Variants in HDAC11 observed in about 807,000 individuals in gnomAD.
HDAC11 encodes histone deacetylase 11.
A neutral mutation model predicts 41.1 loss-of-function variants in HDAC11; 23 were observed. The ratio of observed to expected loss-of-function variants is 0.56; its 90% CI spans 0.40 to 0.79. The LOEUF is 0.79. Ranked by LOEUF, HDAC11 falls within the 30% of genes least tolerant of loss-of-function variation. HDAC11 has a pLI of 0.00. For missense variants in HDAC11, 402 were observed against 477.3 expected (o/e 0.84, Z 1.47); for synonymous variants, 187 against 186.6 (o/e 1.00, Z -0.02).
Position 13,504,123 on chromosome 3 carries a change from T to G in HDAC11, c.679T>G (p.Trp227Gly). Residue 227 changes from tryptophan to glycine, a missense_variant, in exon 9 of 10, where the codon TGG (tryptophan) becomes GGG (glycine). Trp to Gly is a radical substitution (Grantham distance 184). Transcript: ENST00000295757. ...QAIRRKVELE[W>G]GTEDDEYLDK... The stretch of plus-strand genomic sequence containing the variant: ...CATCAGGCGGAAGGTGGAGCTGGAG[T>G]GGGGCACAGAGGATGATGAGTACCT... 1 of 1,613,748 alleles carries G rather than the reference T, an allele frequency of 6.2e-7. No homozygotes were observed. The highest frequency in any genetic ancestry group is 1.1e-5 in the South Asian group (1 of 91,070).
intron 3 of HDAC11, among the ~76,000 whole-genome samples, chr3:13,483,887 C>T (rs1372141828): frequency 6.6e-6 from 1 of 152,102 alleles, no homozygotes; most frequent in Non-Finnish European, 1.5e-5. Context: ...TCCGAGACCC[C>T]AGCCCCTGTC....
intron 3 of HDAC11, among the ~76,000 whole-genome samples, chr3:13,487,617 C>T (rs1038357127): frequency 1.3e-5 from 2 of 152,142 alleles, no homozygotes; most frequent in African/African-American, 2.4e-5. Context: ...GGTTGATTCT[C>T]GGGTGACAGT....
rs760717940 is a variant in HDAC11, at chr3:13,504,597, T to C, written c.958T>C (p.Phe320Leu). Residue 320 changes from phenylalanine (F) to leucine (L), a missense_variant, in exon 10 of 10, where the codon TTT becomes CTT. Coordinates refer to ENST00000295757, the MANE Select transcript of HDAC11 (RefSeq NM_024827.4). ...RIIADSILNL[F>L]GLGLIGPESP... ...CATTGCTGACTCCATACTTAATCTG[T>C]TTGGCCTGGGGCTCATTGGGCCTGA... The C allele has an allele frequency of 9.9e-6, 16 of 1,613,684 alleles. No homozygotes were observed. The South Asian group carries it at 1.8e-4, about 18-fold the overall frequency.
intron 3 of HDAC11, among the ~76,000 whole-genome samples, chr3:13,494,556 T>C (rs1559376554): frequency 1.3e-5 from 2 of 152,294 alleles, no homozygotes; most frequent in South Asian, 4.1e-4. Flanking sequence ...GTCCCAGCTC[T>C]TACACTCCCA....
rs2125010724 is a variant in HDAC11 at position 13,500,711 on chromosome 3, A to C, written c.413-2A>C. ...GCAGCACCGCTCTCTGCCCTTCCGCAGGGGGTGGCTTCCACCACTGCTCCA... is the reference window on the plus strand; with the variant it reads ...GCAGCACCGCTCTCTGCCCTTCCGCCGGGGGTGGCTTCCACCACTGCTCCA... On this transcript the variant is annotated splice_acceptor_variant, in intron 5 of 9. Transcript: ENST00000295757. LOFTEE classifies it high-confidence loss of function. 1.3e-6 allele frequency: 2 copies of C among 1,589,790 alleles called. No individual in the cohort carries two copies. Among genetic ancestry groups the C allele is most frequent in the Non-Finnish European group, 1.7e-6 (2 of 1,167,290 alleles).
intron 3 of HDAC11, among the ~76,000 whole-genome samples, chr3:13,488,480 T>C (rs1701698394): frequency 6.6e-6 from 1 of 152,226 alleles, no homozygotes; most frequent in African/African-American, 2.4e-5. Context: ...TCTATGGATT[T>C]GCCTATCCTG....
Position 13,502,036 on chromosome 3 carries a change from C to A in HDAC11, c.552+103C>A. On this transcript the variant is annotated intron_variant, in intron 7 of 9. Coordinates refer to ENST00000295757, the MANE Select transcript of HDAC11 (RefSeq NM_024827.4). This position sits in a 1 kb window ranked among gnomAD's most constrained non-coding sequence, Gnocchi z 4.1. The stretch of plus-strand genomic sequence containing the variant: ...TCCCTCCTCATGTCCCCACGGCTCT[C>A]ACGGCTTCTGTCTTCTGTCTCTCGG... The A allele has an allele frequency of 1.1e-6, 1 of 901,132 alleles. No individual in the cohort carries two copies. The highest frequency in any genetic ancestry group is 1.8e-6 in the Non-Finnish European group (1 of 559,204). The allele number at this position is 901,132 out of a possible 1,614,324, so 55.8% of individuals were successfully genotyped here. A position where few individuals can be genotyped will look rare whatever the true frequency, so the allele number is the denominator to read the frequency against.
Position 13,480,543 on chromosome 3 carries a change from G to C in HDAC11, c.2+194G>C, listed in dbSNP as rs1015193989. The C allele has an allele frequency of 3.1e-6, 1 of 317,566 alleles. No homozygotes were observed. Among genetic ancestry groups the C allele is most frequent in the African/African-American group, 2.2e-5 (1 of 45,112 alleles). 19.7% of individuals were successfully genotyped at this position (317,566 alleles called of 1,614,324 possible). A position where few individuals can be genotyped will look rare whatever the true frequency, so the allele number is the denominator to read the frequency against. On this transcript the variant is annotated intron_variant, in intron 1 of 9. Coordinates refer to ENST00000295757, the MANE Select transcript of HDAC11 (RefSeq NM_024827.4). The surrounding 1 kb of genome is among the most constrained non-coding windows in gnomAD (Gnocchi z 4.6). ...CCAGGCCAGCCCCGCGCCCCTGCTC[G>C]GTGGCCCGAGGGACGCGCGCCGGCC...
rs1701288364 is a variant in HDAC11, at chr3:13,480,985, C to A, written c.3-261C>A. 1 of 528,890 alleles carries A rather than the reference C, an allele frequency of 1.9e-6. No homozygotes were observed. The highest frequency in any genetic ancestry group is 2.1e-5 in the South Asian group (1 of 48,546). The allele number at this position is 528,890 out of a possible 1,614,324, so 32.8% of individuals were successfully genotyped here. A position where few individuals can be genotyped will look rare whatever the true frequency, so the allele number is the denominator to read the frequency against. On this transcript the variant is annotated intron_variant, in intron 1 of 9. Coordinates refer to ENST00000295757, the MANE Select transcript of HDAC11 (RefSeq NM_024827.4). This position sits in a 1 kb window ranked among gnomAD's most constrained non-coding sequence, Gnocchi z 4.6. Reference sequence around the variant, plus strand: ...GCTTCTCCACAGACCTGCACTGTGACCTTGGGCACACCTGGTCTGCTCTCT... The same window carrying A: ...GCTTCTCCACAGACCTGCACTGTGAACTTGGGCACACCTGGTCTGCTCTCT...
At chr3:13,491,069 TGTGTGTGTG>T (rs1333485885) in intron 3 of HDAC11, among the ~76,000 whole-genome samples, 58 of 10,218 alleles carry the variant, frequency 5.7e-3, no homozygotes, top group Admixed American at 0.03. Flanking sequence ...CTTTAATAGT[TGTGTGTGTG>T]TGTGTGTGTG....
At chr3:13,501,286 C>T (rs1368915398) in intron 6 of HDAC11, among the ~76,000 whole-genome samples, 2 of 152,180 alleles carry the variant, frequency 1.3e-5, no homozygotes, top group Non-Finnish European at 2.9e-5. Context: ...TCTGTGGGGC[C>T]CCACAACTCC....
chr3:13,505,831 C>G lies in HDAC11; in HGVS notation c.*1148C>G, dbSNP rs1186731690. The G allele has an allele frequency of 6.6e-6, 1 of 152,366 alleles. No individual in the cohort carries two copies. The highest frequency in any genetic ancestry group is 1.9e-4 in the East Asian group (1 of 5,200). The allele number at this position is 152,366 out of a possible 1,614,324, so 9.4% of individuals were successfully genotyped here. On this transcript the variant is annotated 3_prime_UTR_variant, in exon 10 of 10. Transcript: ENST00000295757. ...CAGACCTCTGGCCTGTTCCTCAGCC[C>G]TACTCATGGGGACATTCAGGGACCT...
At chr3:13,489,755 A>G in intron 3 of HDAC11, among the ~76,000 whole-genome samples, 1 of 151,952 alleles carries the variant, frequency 6.6e-6, no homozygotes, top group Admixed American at 6.6e-5. Flanking sequence ...CTTGGTAGAG[A>G]TGGGGTTTCA....
Position 13,496,727 on chromosome 3 carries a change from T to C in HDAC11, c.253-9T>C, listed in dbSNP as rs1352266923. The C allele has an allele frequency of 3.8e-6, 6 of 1,582,334 alleles. No homozygotes were observed. Among genetic ancestry groups the C allele is most frequent in the Non-Finnish European group, 5.2e-6 (6 of 1,159,306 alleles). On this transcript the variant is annotated splice_polypyrimidine_tract_variant and intron_variant, in intron 3 of 9. Transcript: ENST00000295757. ...AGCGGAGGCCAACAGCCCCTGTCTTTTTCCGCAGTGGTCCTTTGCTGTTGC... is the reference window on the plus strand; with the variant it reads ...AGCGGAGGCCAACAGCCCCTGTCTTCTTCCGCAGTGGTCCTTTGCTGTTGC...
At chr3:13,493,274 T>C (rs1701947408) in intron 3 of HDAC11, among the ~76,000 whole-genome samples, 2 of 151,920 alleles carry the variant, frequency 1.3e-5, no homozygotes, top group African/African-American at 4.8e-5. Context: ...ACCTGCCACC[T>C]CCTCTGACCA....
chr3:13,502,648 T>G lies in HDAC11; in HGVS notation c.553-236T>G. On this transcript the variant is annotated intron_variant, in intron 7 of 9. Transcript: ENST00000295757. This position sits in a 1 kb window ranked among gnomAD's most constrained non-coding sequence, Gnocchi z 4.1. The stretch of plus-strand genomic sequence containing the variant: ...AGGGTGGCAGAGCGGGATTTCTTCC[T>G]CTGATAGGGAACCTAAGAGCACTGG... The G allele has an allele frequency of 2.2e-6, 1 of 447,598 alleles. No individual in the cohort carries two copies. Among genetic ancestry groups the G allele is most frequent in the South Asian group, 2.6e-5 (1 of 39,078 alleles). The allele number at this position is 447,598 out of a possible 1,614,324, so 27.7% of individuals were successfully genotyped here. A position where few individuals can be genotyped will look rare whatever the true frequency, so the allele number is the denominator to read the frequency against.
chr3:13,489,212 A>G (rs1220766122), intron 3 of HDAC11, among the ~76,000 whole-genome samples: 1 of 152,042 alleles, frequency 6.6e-6, no homozygotes, highest in Non-Finnish European at 1.5e-5. Flanking sequence ...GTGTCCTTTG[A>G]TGCACAAAAA....
At position 13,496,786 on chromosome 3, in the gene HDAC11, C is replaced by T. The variant is rs757047135; in HGVS notation, c.303C>T (p.Leu101=). The T allele has an allele frequency of 8.1e-5, 130 of 1,609,598 alleles. No homozygotes were observed. Among genetic ancestry groups the T allele is most frequent in the Non-Finnish European group, 1.1e-4 (128 of 1,178,154 alleles). ...TITEIPPVIF[L]PNFLVQRKVL... is the part of the protein sequence containing the mutation. The stretch of plus-strand genomic sequence containing the variant: ...CAGAAATCCCCCCCGTTATCTTCCT[C>T]CCCAACTTCCTTGTGCAGAGGAAGG... The change falls in exon 4 of 10, where the codon CTC becomes CTT. Residue 101 remains leucine (L), a synonymous_variant. Transcript: ENST00000295757.
At position 13,486,571 on chromosome 3, in the gene HDAC11, G is replaced by GTTTT. The variant is rs767002835; in HGVS notation, c.252+3028_252+3031dup. ...GAGCAGGTGATACTCATGTAGAGGTGTTTTTTTTTTTTTTTTTTTTTTTTG... is the reference window on the plus strand; with the variant it reads ...GAGCAGGTGATACTCATGTAGAGGTGTTTTTTTTTTTTTTTTTTTTTTTTTTTTG... On this transcript the variant is annotated intron_variant, in intron 3 of 9. Transcript: ENST00000295757. Among the ~76,000 whole-genome samples, 334 of 83,022 alleles carry GTTTT rather than the reference G, an allele frequency of 4.0e-3. 8 individuals carry two copies. The highest frequency in any genetic ancestry group is 0.015 in the African/African-American group (317 of 21,010). The allele number at this position is 83,022 out of a possible 152,430, so 54.5% of individuals were successfully genotyped here. A position where few individuals can be genotyped will look rare whatever the true frequency, so the allele number is the denominator to read the frequency against.
Sources: gnomAD v4.1 joint callset for allele counts (sites outside exome capture counted in the v4.1 genomes callset) on GRCh38, gnomAD v4.1.1 for gene constraint, Gnocchi (gnomAD v3.1) non-coding constraint, MANE v1.5 for transcripts, NCBI Gene and HGNC (gene_info 2026-07-23, HGNC 2026-07-21) for gene names.